The following SORCS2 variants were observed in gnomAD, a reference collection of about 807,000 sequenced individuals.
SORCS2 encodes the protein sortilin related VPS10 domain containing receptor 2.
SORCS2 carries 100 observed loss-of-function variants against 141.6 expected under a neutral mutation model. The observed-to-expected ratio is 0.71, with a 90% CI of 0.60 to 0.83. SORCS2 has a LOEUF of 0.83. Ranked by LOEUF, SORCS2 falls within the 40% of genes least tolerant of loss-of-function variation. SORCS2 has a pLI of 0.00. For synonymous variants in SORCS2, 789 were observed against 676.9 expected (o/e 1.17, Z -2.57); for missense variants, 1,646 against 1,560.2 (o/e 1.05, Z -0.93).
chr4:7,687,038 C>T (rs1217782902), intron 10 of SORCS2, among the ~76,000 whole-genome samples: 1 of 152,192 alleles, frequency 6.6e-6, no homozygotes, highest in Non-Finnish European at 1.5e-5. Flanking sequence ...TGAAGCAGCA[C>T]CCTCTAATTC....
At chr4:7,283,997 C>A (rs897521882) in intron 1 of SORCS2, among the ~76,000 whole-genome samples, 3 of 152,146 alleles carry the variant, frequency 2.0e-5, no homozygotes, top group African/African-American at 7.2e-5. Context: ...ATGGGATCAC[C>A]AGGGATGGGG....
chr4:7,676,824 T>TCTCTCTCTCTCTCTCTCTCTCTCTCCCC lies in SORCS2; in HGVS notation c.1341+600_1341+601insTCTCTCTCTCTCTCTCTCTCCCCCTCTC, dbSNP rs765132758. Among the ~76,000 whole-genome samples the TCTCTCTCTCTCTCTCTCTCTCTCTCCCC allele has an allele frequency of 1.4e-4, 7 of 49,078 alleles. 2 individuals are homozygous for TCTCTCTCTCTCTCTCTCTCTCTCTCCCC. Among genetic ancestry groups the TCTCTCTCTCTCTCTCTCTCTCTCTCCCC allele is most frequent in the African/African-American group, 6.2e-4 (7 of 11,278 alleles). The allele number at this position is 49,078 out of a possible 152,430, so 32.2% of individuals were successfully genotyped here. On this transcript the variant is annotated intron_variant, in intron 9 of 26. Coordinates refer to ENST00000507866, the MANE Select transcript of SORCS2 (RefSeq NM_020777.3). ...TTCTGTCTCTCTCTCTCTCTCTCTC[T>TCTCTCTCTCTCTCTCTCTCTCTCTCCCC]CTCTCCCTCTCTCCACCCCAGCCCT...
chr4:7,274,915 C>T (rs192780210), intron 1 of SORCS2, among the ~76,000 whole-genome samples: 15 of 152,242 alleles, frequency 9.9e-5, no homozygotes, highest in South Asian at 4.1e-4. Context: ...ACAGCTGCAG[C>T]GCCCATGTCT....
intron 1 of SORCS2, among the ~76,000 whole-genome samples, chr4:7,343,707 C>T (rs1035906930): frequency 1.2e-4 from 18 of 152,340 alleles, no homozygotes; most frequent in Admixed American, 8.5e-4. Flanking sequence ...CAAGAGGAAG[C>T]ACTGTGGCAG....
Position 7,714,369 on chromosome 4 carries a change from C to T in SORCS2, c.2119C>T (p.Leu707=), listed in dbSNP as rs1050255562. 6.4e-7 allele frequency: 1 copy of T among 1,552,264 alleles called. No homozygotes were observed. The highest frequency in any genetic ancestry group is 2.0e-5 in the Admixed American group (1 of 51,190). The change falls in exon 16 of 27, where the codon CTG becomes TTG. Residue 707 remains leucine (L), a synonymous_variant. Coordinates refer to ENST00000507866, the MANE Select transcript of SORCS2 (RefSeq NM_020777.3). ...GTGCGAGTGCCGGGACTCGGACTTC[C>T]TGTGGTGAGCGACGGGCTCCTGGCC... ...RVCECRDSDF[L]CDYGFERSSS...
chr4:7,491,150 C>T (rs1387832345), intron 2 of SORCS2, among the ~76,000 whole-genome samples: 5 of 152,192 alleles, frequency 3.3e-5, no homozygotes, highest in African/African-American at 1.2e-4. Context: ...GTTCCCTGTA[C>T]CCTGAGCCTT....
At chr4:7,739,893 C>A (rs74609077) in intron 26 of SORCS2, among the ~76,000 whole-genome samples, 1 of 152,172 alleles carries the variant, frequency 6.6e-6, no homozygotes, top group African/African-American at 2.4e-5. Context: ...TCTCGCACCC[C>A]CTTGCTGCCG....
At chr4:7,477,943 C>T (rs957583038) in intron 2 of SORCS2, among the ~76,000 whole-genome samples, 2 of 152,158 alleles carry the variant, frequency 1.3e-5, no homozygotes, top group Middle Eastern at 3.2e-3. Context: ...TGTTGGCTAT[C>T]GCGCACACCT....
intron 3 of SORCS2, among the ~76,000 whole-genome samples, chr4:7,599,659 C>T (rs1415060899): frequency 6.6e-6 from 1 of 152,096 alleles, no homozygotes; most frequent in Non-Finnish European, 1.5e-5. Context: ...TCTGGCACAG[C>T]GGGGGCAGGT....
chr4:7,405,968 G>A (rs1291350775), intron 2 of SORCS2, among the ~76,000 whole-genome samples: 1 of 152,114 alleles, frequency 6.6e-6, no homozygotes, highest in Non-Finnish European at 1.5e-5. Flanking sequence ...AATGTTGGCT[G>A]TGGGTTTGTT....
chr4:7,538,973 T>C (rs1352703206), intron 3 of SORCS2, among the ~76,000 whole-genome samples: 1 of 152,196 alleles, frequency 6.6e-6, no homozygotes, highest in Non-Finnish European at 1.5e-5. Flanking sequence ...TCAGCCCTGT[T>C]CTCTAATCTC....
At chr4:7,482,386 G>A (rs554873098) in intron 2 of SORCS2, among the ~76,000 whole-genome samples, 1 of 55,652 alleles carries the variant, frequency 1.8e-5, no homozygotes, top group Non-Finnish European at 3.3e-5. Context: ...TCCCCACCGC[G>A]GACACCCCTG....
chr4:7,499,369 C>T (rs532368400), intron 2 of SORCS2, among the ~76,000 whole-genome samples: 1 of 152,212 alleles, frequency 6.6e-6, no homozygotes, highest in East Asian at 1.9e-4. Context: ...GGTGCTTGAG[C>T]AGGGAAGGGC....
At chr4:7,214,600 G>C (rs188997766) in intron 1 of SORCS2, among the ~76,000 whole-genome samples, 1 of 152,356 alleles carries the variant, frequency 6.6e-6, no homozygotes, top group East Asian at 1.9e-4. Flanking sequence ...GGTTGCTAAG[G>C]AGTAGCCCTG....
At position 7,464,921 on chromosome 4, in the gene SORCS2, G is replaced by A. The variant is rs183391450; in HGVS notation, c.549-66609G>A. Reference sequence around the variant, plus strand: ...CCGGCGCCTCCGGCCATGGGTCCCGGCAGCACAGCCCGGCCTCCACGGCGG... The same window carrying A: ...CCGGCGCCTCCGGCCATGGGTCCCGACAGCACAGCCCGGCCTCCACGGCGG... On this transcript the variant is annotated intron_variant, in intron 2 of 26. Transcript: ENST00000507866. Among the ~76,000 whole-genome samples, 317 of 152,350 alleles carry A rather than the reference G, an allele frequency of 2.1e-3. 1 individual carries two copies. Among genetic ancestry groups the A allele is most frequent in the African/African-American group, 7.3e-3 (303 of 41,586 alleles).
intron 1 of SORCS2, among the ~76,000 whole-genome samples, chr4:7,290,373 G>C (rs1245520017): frequency 6.6e-6 from 1 of 152,170 alleles, no homozygotes; most frequent in Non-Finnish European, 1.5e-5. Context: ...GAAAAACACA[G>C]ATGCTCCCAC....
intron 1 of SORCS2, among the ~76,000 whole-genome samples, chr4:7,340,458 G>A (rs1049757650): frequency 4.6e-5 from 7 of 152,222 alleles, no homozygotes; most frequent in Non-Finnish European, 8.8e-5. Context: ...AGGGCAGCCC[G>A]GATCCTGGCC....
intron 1 of SORCS2, among the ~76,000 whole-genome samples, chr4:7,342,936 A>C (rs1022238677): frequency 1.3e-5 from 2 of 152,166 alleles, no homozygotes; most frequent in Admixed American, 1.3e-4. Context: ...GGTGCTGGCC[A>C]AGGTCTCTGT....
chr4:7,529,008 T>C (rs947694909), intron 2 of SORCS2, among the ~76,000 whole-genome samples: 2 of 152,180 alleles, frequency 1.3e-5, no homozygotes, highest in African/African-American at 4.8e-5. Context: ...CAAATTCTTA[T>C]AACACCAGCC....
Sources: gnomAD v4.1 joint callset for allele counts (sites outside exome capture counted in the v4.1 genomes callset) on GRCh38, gnomAD v4.1.1 for gene constraint, MANE v1.5 for transcripts, NCBI Gene and HGNC (gene_info 2026-07-23, HGNC 2026-07-21) for gene names.